The following ROBO1 variants were observed in gnomAD, a reference collection of about 807,000 sequenced individuals.
The protein encoded by ROBO1 is roundabout homolog 1.
In ROBO1, 149 loss-of-function variants were observed where a neutral mutation model predicts 195.9. The observed-to-expected ratio is 0.76, with a 90% CI of 0.67 to 0.87. The LOEUF (loss-of-function observed/expected upper bound fraction) is 0.87. Among genes scored for constraint, ROBO1 ranks in the 40% least tolerant of loss-of-function variants. ROBO1 has a pLI of 0.00. For missense variants in ROBO1, 1,933 were observed against 2,068.3 expected, an observed-to-expected ratio of 0.93 and a Z score of 1.27; for synonymous variants, 816 against 733.2, an observed-to-expected ratio of 1.11 and a Z score of -1.82.
At chr3:79,691,552 G>C (rs1426955159) in intron 1 of ROBO1, among the ~76,000 whole-genome samples, 1 of 151,590 alleles carries the variant, frequency 6.6e-6, no homozygotes, top group African/African-American at 2.4e-5. Context: ...TGTCAAGGAA[G>C]GGAAATTAGT....
intron 2 of ROBO1, among the ~76,000 whole-genome samples, chr3:79,553,273 T>C (rs968629284): frequency 1.3e-5 from 2 of 152,052 alleles, no homozygotes; most frequent in Non-Finnish European, 2.9e-5. Flanking sequence ...TTCAGCCCTG[T>C]CTTGCCTTGT....
chr3:78,799,855 C>CT (rs2084310048), intron 4 of ROBO1, among the ~76,000 whole-genome samples: 1 of 152,142 alleles, frequency 6.6e-6, no homozygotes, highest in Admixed American at 6.5e-5. Context: ...AGGAACTACT[C>CT]TGAGTCACTT....
At chr3:78,987,659 A>T (rs2077141143) in intron 3 of ROBO1, among the ~76,000 whole-genome samples, 1 of 152,100 alleles carries the variant, frequency 6.6e-6, no homozygotes, top group Non-Finnish European at 1.5e-5. Flanking sequence ...TACCAAAAAA[A>T]TAGTTAGAAA....
At chr3:79,228,481 A>G (rs2082265273) in intron 2 of ROBO1, among the ~76,000 whole-genome samples, 1 of 152,200 alleles carries the variant, frequency 6.6e-6, no homozygotes, top group Non-Finnish European at 1.5e-5. Context: ...CATTCAGACT[A>G]TGAGATCTGA....
chr3:79,451,803 G>T (rs1035973547), intron 2 of ROBO1, among the ~76,000 whole-genome samples: 1 of 151,922 alleles, frequency 6.6e-6, no homozygotes, highest in Non-Finnish European at 1.5e-5. Flanking sequence ...GAAACATAGA[G>T]AAAGGGAAAA....
At chr3:79,197,287 G>A (rs1185713355) in intron 2 of ROBO1, among the ~76,000 whole-genome samples, 2 of 151,592 alleles carry the variant, frequency 1.3e-5, no homozygotes, top group East Asian at 3.9e-4. Context: ...CAACATGAAG[G>A]GTTTGGTTTT....
intron 1 of ROBO1, among the ~76,000 whole-genome samples, chr3:79,603,433 G>C (rs1326385557): frequency 6.6e-6 from 1 of 151,942 alleles, no homozygotes; most frequent in Non-Finnish European, 1.5e-5. Context: ...CTATTCTGGA[G>C]AGTTACCCCT....
rs566282666 is a variant in ROBO1, at chr3:79,693,116, C to T, written c.-51+74636G>A. Among the ~76,000 whole-genome samples the T allele has an allele frequency of 5.3e-5, 8 of 151,466 alleles. No individual in the cohort carries two copies. In the South Asian group the frequency reaches 8.3e-4, roughly 16 times the overall value. The stretch of plus-strand genomic sequence containing the variant: ...GCTTGTGTATGGTATACCTGAAAAT[C>T]GTTAAAAGAATAGATTTGAAAGGCC... On this transcript the variant is annotated intron_variant, in intron 1 of 30. Coordinates refer to ENST00000464233, the MANE Select transcript of ROBO1 (RefSeq NM_002941.4).
rs369153814 is a variant in ROBO1, at chr3:79,256,446, G to A, written c.89-130907C>T. Among the ~76,000 whole-genome samples the A allele has an allele frequency of 4.3e-4, 66 of 152,208 alleles. No individual in the cohort carries two copies. In the Middle Eastern group the frequency reaches 0.01, roughly 24 times the overall value. On this transcript the variant is annotated intron_variant, in intron 2 of 30. Coordinates refer to ENST00000464233, the MANE Select transcript of ROBO1 (RefSeq NM_002941.4). ...AAGTTACAAGTTAGTATTAATAAAC[G>A]TTGTATACAAGGTGATGGAAATAAG... is the stretch of plus-strand genomic sequence containing the variant.
At chr3:78,652,513 A>G (rs895404549) in intron 18 of ROBO1, among the ~76,000 whole-genome samples, 2 of 152,124 alleles carry the variant, frequency 1.3e-5, no homozygotes, top group African/African-American at 4.8e-5. Context: ...AAGACATTTC[A>G]TTGTCTTAGA....
chr3:78,793,296 C>A (rs1047338444), intron 4 of ROBO1, among the ~76,000 whole-genome samples: 4 of 152,044 alleles, frequency 2.6e-5, no homozygotes, highest in African/African-American at 9.7e-5. Context: ...TTGTTTTTAA[C>A]AAAGAATGCA....
chr3:79,720,235 C>T (rs1403511091), intron 1 of ROBO1, among the ~76,000 whole-genome samples: 2 of 152,130 alleles, frequency 1.3e-5, no homozygotes, highest in African/African-American at 2.4e-5. Context: ...TCTGCCTTGG[C>T]CTCATGGACC....
intron 4 of ROBO1, among the ~76,000 whole-genome samples, chr3:78,903,550 TAC>T (rs146975185): frequency 0.071 from 10,103 of 142,614 alleles, 492 homozygotes; most frequent in African/African-American, 0.14. Context: ...ATAAAAGAAG[TAC>T]ACACACACAC....
At chr3:78,885,938 T>TAC (rs1553756707) in intron 4 of ROBO1, among the ~76,000 whole-genome samples, 8 of 144,954 alleles carry the variant, frequency 5.5e-5, no homozygotes, top group East Asian at 4.0e-4. Context: ...TATATATATA[T>TAC]ATACATACAT....
Position 79,361,021 on chromosome 3 carries a change from T to C in ROBO1, c.88+228803A>G, listed in dbSNP as rs74951448. ...TGTACAGTTAATTCTGATTAAAACTTCGAGTTAAGAAACTTGATGTACATT... is the reference window on the plus strand; with the variant it reads ...TGTACAGTTAATTCTGATTAAAACTCCGAGTTAAGAAACTTGATGTACATT... On this transcript the variant is annotated intron_variant, in intron 2 of 30. Coordinates refer to ENST00000464233, the MANE Select transcript of ROBO1 (RefSeq NM_002941.4). Among the ~76,000 whole-genome samples the C allele has an allele frequency of 5.3e-4, 81 of 152,152 alleles. 4 individuals are homozygous for C. The East Asian group carries it at 0.013, about 24-fold the overall frequency.
rs527599068 is a variant in ROBO1 at position 79,288,818 on chromosome 3, T to A, written c.89-163279A>T. 1.3e-4 allele frequency among the ~76,000 whole-genome samples: 20 copies of A among 152,292 alleles called. No individual in the cohort carries two copies. In the East Asian group the frequency reaches 3.9e-3, roughly 29 times the overall value. Reference sequence around the variant, plus strand: ...TTTTTTTTCCAATTTCTACTCAGTTTAGATTGCACTCAAAGTGTGTAGAAC... The same window carrying A: ...TTTTTTTTCCAATTTCTACTCAGTTAAGATTGCACTCAAAGTGTGTAGAAC... On this transcript the variant is annotated intron_variant, in intron 2 of 30. Transcript: ENST00000464233.
At chr3:79,529,114 A>G (rs978648002) in intron 2 of ROBO1, among the ~76,000 whole-genome samples, 3 of 152,228 alleles carry the variant, frequency 2.0e-5, no homozygotes, top group Non-Finnish European at 2.9e-5. Context: ...AGTCTCTACT[A>G]GTTACAAACA....
chr3:78,837,125 A>G lies in ROBO1; in HGVS notation c.500-90225T>C, dbSNP rs187046693. Among the ~76,000 whole-genome samples the G allele has an allele frequency of 8.5e-5, 13 of 152,320 alleles. No homozygotes were observed. The East Asian group carries it at 2.5e-3, about 29-fold the overall frequency. Reference sequence around the variant, plus strand: ...TAAATCAATTAATAAATGACATACGATAATTAAAACATTAAGTGTTGGTTC... The same window carrying G: ...TAAATCAATTAATAAATGACATACGGTAATTAAAACATTAAGTGTTGGTTC... On this transcript the variant is annotated intron_variant, in intron 4 of 30. Transcript: ENST00000464233.
At chr3:79,191,283 C>G (rs879847921) in intron 2 of ROBO1, among the ~76,000 whole-genome samples, 1 of 151,120 alleles carries the variant, frequency 6.6e-6, no homozygotes, top group Non-Finnish European at 1.5e-5. Context: ...ATAAGGCATA[C>G]CATCATATTA....
Sources: allele counts gnomAD v4.1 joint callset (sites outside exome capture counted in the v4.1 genomes callset), GRCh38; gene constraint gnomAD v4.1.1; transcripts MANE v1.5; gene names NCBI Gene and HGNC (gene_info 2026-07-23, HGNC 2026-07-21).